PRDM12: variants seen among roughly 807,000 people sequenced by gnomAD.
PRDM12 encodes the protein PR/SET domain 12.
In PRDM12, 17 loss-of-function variants were observed where a neutral mutation model predicts 29.6. The observed-to-expected ratio is 0.57, with a 90% CI of 0.39 to 0.86. The LOEUF is 0.86. Among genes scored for constraint, PRDM12 ranks in the 40% least tolerant of loss-of-function variants. The pLI, the probability that PRDM12 is intolerant of heterozygous loss-of-function variation, is 0.00. For synonymous variants in PRDM12, 231 were observed against 225.8 expected (o/e 1.02, Z -0.21); for missense variants, 422 against 510.8 (o/e 0.83, Z 1.68).
intron 3 of PRDM12, among the ~76,000 whole-genome samples, chr9:130,677,295 C>G (rs1014564277): frequency 4.6e-5 from 7 of 152,146 alleles, no homozygotes; most frequent in Admixed American, 2.0e-4. Flanking sequence ...AGGCTCTGAC[C>G]AGAGGAAGGA....
At chr9:130,679,218 T>C (rs745895644) in intron 4 of PRDM12, among the ~76,000 whole-genome samples, 2 of 152,204 alleles carry the variant, frequency 1.3e-5, no homozygotes, top group Non-Finnish European at 2.9e-5. Flanking sequence ...GCAGAGACCA[T>C]TTGCTCGACA....
At chr9:130,666,891 C>A (rs1830739046) in intron 2 of PRDM12, 93 bp downstream of exon 2, 7 of 1,467,392 alleles carry the variant, frequency 4.8e-6, no homozygotes, top group South Asian at 1.4e-5. Flanking sequence ...CGCTTCCACC[C>A]GGGCTGAGAG....
At chr9:130,674,010 C>CTTTTTTTTTT (rs35863613) in intron 3 of PRDM12, among the ~76,000 whole-genome samples, 21 of 71,844 alleles carry the variant, frequency 2.9e-4, no homozygotes, top group Non-Finnish European at 3.8e-4. Context: ...TTCTTTCTTT[C>CTTTTTTTTTT]TTTTTTTTTT....
chr9:130,670,824 A>G (rs1337541587), intron 3 of PRDM12, among the ~76,000 whole-genome samples: 1 of 152,154 alleles, frequency 6.6e-6, no homozygotes, highest in Admixed American at 6.5e-5. Flanking sequence ...AAACGCCTAC[A>G]TCATTTTGGC....
Position 130,668,903 on chromosome 9 carries a change from C to A in PRDM12, c.570+590C>A, listed in dbSNP as rs1830760036. ...CTGTGATTATTTACAGTTTACTGAC[C>A]AGAAAACCAGGTCTCCCTCGGTGGC... On this transcript the variant is annotated intron_variant, in intron 3 of 4. Coordinates refer to ENST00000253008, the MANE Select transcript of PRDM12 (RefSeq NM_021619.3). The surrounding 1 kb of genome is among the most constrained non-coding windows in gnomAD (Gnocchi z 4.0). 6.6e-6 allele frequency among the ~76,000 whole-genome samples: 1 copy of A among 152,120 alleles called. No homozygotes were observed. The highest frequency in any genetic ancestry group is 2.1e-4 in the South Asian group (1 of 4,830).
rs774935706 is a variant in PRDM12, at chr9:130,664,621, C to T, written c.-33C>T. ...CGCCCACCTCCCCCGTCGGCCCGGC[C>T]GTCCCCCGGCGCCGGGGAGCTCCGG... is the stretch of plus-strand genomic sequence containing the variant. On this transcript the variant is annotated 5_prime_UTR_variant, in exon 1 of 5. Transcript: ENST00000253008. This position sits in a 1 kb window ranked among gnomAD's most constrained non-coding sequence, Gnocchi z 6.4. 1.3e-6 allele frequency: 2 copies of T among 1,492,884 alleles called. No individual in the cohort carries two copies. The highest frequency in any genetic ancestry group is 2.6e-5 in the South Asian group (2 of 77,434). The allele number at this position is 1,492,884 out of a possible 1,614,324, so 92.5% of individuals were successfully genotyped here.
chr9:130,673,826 C>T (rs1020232806), intron 3 of PRDM12, among the ~76,000 whole-genome samples: 1 of 151,686 alleles, frequency 6.6e-6, no homozygotes, highest in Non-Finnish European at 1.5e-5. Flanking sequence ...CATGCGCCAG[C>T]ACTCCCGGCT....
At chr9:130,678,831 G>A (rs192381321) in intron 4 of PRDM12, among the ~76,000 whole-genome samples, 191 bp downstream of exon 4, 12 of 152,266 alleles carry the variant, frequency 7.9e-5, no homozygotes, top group East Asian at 1.9e-4. Flanking sequence ...CGCATGGGCC[G>A]GGCATGGGTG....
At chr9:130,676,774 A>G (rs948160001) in intron 3 of PRDM12, among the ~76,000 whole-genome samples, 1 of 152,170 alleles carries the variant, frequency 6.6e-6, no homozygotes, top group Non-Finnish European at 1.5e-5. Context: ...AAGGCTCGCC[A>G]TGATGCCCCG....
At chr9:130,665,761 TA>T in intron 1 of PRDM12, among the ~76,000 whole-genome samples, 1 of 152,208 alleles carries the variant, frequency 6.6e-6, no homozygotes, top group East Asian at 1.9e-4. Context: ...GGACACCGTT[TA>T]ACCCCCCCCT....
chr9:130,669,231 G>T (rs942123560), intron 3 of PRDM12, among the ~76,000 whole-genome samples: 2 of 152,146 alleles, frequency 1.3e-5, no homozygotes, highest in Admixed American at 1.3e-4. Flanking sequence ...GGAAGCTGAG[G>T]CAGGAGAATG....
intron 2 of PRDM12, 108 bp downstream of exon 2, chr9:130,666,906 G>A (rs1830739227): frequency 7.1e-7 from 1 of 1,412,692 alleles, no homozygotes; most frequent in Non-Finnish European, 9.5e-7. Flanking sequence ...TGAGAGCGGC[G>A]GACACTCCTG....
At chr9:130,666,864 G>C (rs944027542) in intron 2 of PRDM12, 66 bp downstream of exon 2, 2 of 1,516,226 alleles carry the variant, frequency 1.3e-6, no homozygotes, top group Non-Finnish European at 8.8e-7. Flanking sequence ...GGTAGGACTC[G>C]GGCGTCCGGC....
chr9:130,678,355 G>T (rs966341740), intron 3 of PRDM12, among the ~76,000 whole-genome samples, 174 bp from the exon 4 acceptor site: 6 of 151,882 alleles, frequency 4.0e-5, no homozygotes, highest in African/African-American at 1.5e-4. Context: ...ACACCCCAGG[G>T]ACTTCCGTGT....
intron 3 of PRDM12, among the ~76,000 whole-genome samples, chr9:130,676,758 A>G (rs10751506): frequency 0.78 from 118,257 of 152,054 alleles, 47,084 homozygotes; most frequent in East Asian, 0.99. Flanking sequence ...GTCATTTACT[A>G]ACCCTAAGGC....
At chr9:130,672,482 C>T (rs2132596345) in intron 3 of PRDM12, among the ~76,000 whole-genome samples, 1 of 152,366 alleles carries the variant, frequency 6.6e-6, no homozygotes, top group Admixed American at 6.5e-5. Flanking sequence ...AGCCACTGCA[C>T]CTGGCCAGCA....
At chr9:130,679,873 C>G (rs1830878050) in intron 4 of PRDM12, among the ~76,000 whole-genome samples, 1 of 151,344 alleles carries the variant, frequency 6.6e-6, no homozygotes, top group Non-Finnish European at 1.5e-5. Flanking sequence ...TGTTGCCCAG[C>G]TGGTCTGGAA....
At chr9:130,671,406 C>CACACAT (rs1169479953) in intron 3 of PRDM12, among the ~76,000 whole-genome samples, 1 of 151,900 alleles carries the variant, frequency 6.6e-6, no homozygotes, top group Non-Finnish European at 1.5e-5. Flanking sequence ...CACACACACA[C>CACACAT]ACACACACAC....
chr9:130,680,659 A>ATATATATATATATATTTT, intron 4 of PRDM12, among the ~76,000 whole-genome samples: 9 of 72,158 alleles, frequency 1.2e-4, no homozygotes, highest in East Asian at 1.3e-3. Context: ...ATATATATAT[A>ATATATATATATATATTTT]TTTTTTTTTT....
Sources: allele counts gnomAD v4.1 joint callset (sites outside exome capture counted in the v4.1 genomes callset), GRCh38; gene constraint gnomAD v4.1.1; non-coding constraint Gnocchi (gnomAD v3.1); transcripts MANE v1.5; gene names NCBI Gene and HGNC (gene_info 2026-07-23, HGNC 2026-07-21).